PCNX2: variants seen among roughly 807,000 people sequenced by gnomAD.
The protein encoded by PCNX2 is pecanex-like protein 2.
In PCNX2, 168 loss-of-function variants were observed where a neutral mutation model predicts 223.8. That is an observed-to-expected ratio of 0.75 (90% CI 0.66 to 0.85). The LOEUF is 0.85. PCNX2 is among the 40% of genes least tolerant of loss of function. PCNX2 has a pLI of 0.00. For missense variants in PCNX2, 2,507 were observed against 2,675.5 expected, an observed-to-expected ratio of 0.94 and a Z score of 1.39; for synonymous variants, 1,006 against 1,052.6, an observed-to-expected ratio of 0.96 and a Z score of 0.86.
intron 1 of PCNX2, among the ~76,000 whole-genome samples, chr1:233,283,265 T>C (rs1661279621): frequency 6.6e-6 from 1 of 152,208 alleles, no homozygotes; most frequent in Non-Finnish European, 1.5e-5. Flanking sequence ...TAATTGATTA[T>C]TCAATCATTC....
At chr1:233,217,986 T>C (rs1289994046) in intron 11 of PCNX2, 45 bp downstream of exon 11, 1 of 1,613,288 alleles carries the variant, frequency 6.2e-7, no homozygotes, top group Non-Finnish European at 8.5e-7. Context: ...CAAGGCTACA[T>C]TAGTGACAGC....
chr1:233,065,180 A>T (rs1672548984), intron 23 of PCNX2, among the ~76,000 whole-genome samples: 1 of 152,158 alleles, frequency 6.6e-6, no homozygotes, highest in Non-Finnish European at 1.5e-5. Context: ...CTCGGCAACC[A>T]CACTGTGTTC....
At chr1:233,027,322 G>C (rs932806038) in intron 25 of PCNX2, among the ~76,000 whole-genome samples, 3 of 152,136 alleles carry the variant, frequency 2.0e-5, no homozygotes, top group African/African-American at 7.2e-5. Flanking sequence ...GAAATAACGG[G>C]AGGGGAAAAA....
rs1553323130 is a variant in PCNX2 at position 233,250,752 on chromosome 1, G to C, written c.2209C>G (p.Leu737Val). 6.2e-7 allele frequency: 1 copy of C among 1,605,996 alleles called. No individual in the cohort carries two copies. The highest frequency in any genetic ancestry group is 1.7e-5 in the Admixed American group (1 of 59,086). ...AGCTCCACTCACCGAGCCTGAGAGA[G>C]ACAGTCATTATTTGATGGTAGAGGC... ...LQPLPSNNDC[L>V]SQAREMQVSS... The change falls in exon 8 of 34, where the codon CTC (leucine) becomes GTC (valine). Residue 737 changes from leucine to valine, a missense_variant. Physicochemically the swap from Leu to Val is conservative, Grantham distance 32. Around this residue, in one of 3 missense-constraint regions of PCNX2, gnomAD observed 1,031 missense variants for 1,021.7 expected, o/e 1.01. Transcript: ENST00000258229.
chr1:233,187,475 T>A (rs1041881416), intron 15 of PCNX2, among the ~76,000 whole-genome samples: 1 of 152,078 alleles, frequency 6.6e-6, no homozygotes, highest in African/African-American at 2.4e-5. Flanking sequence ...CCTCTCTGTA[T>A]CCCTCACTCC....
intron 26 of PCNX2, chr1:233,018,913 T>C: frequency 1.0e-6 from 1 of 985,388 alleles, no homozygotes; most frequent in Non-Finnish European, 1.2e-6. Context: ...AGAAAACGAA[T>C]ATTGGGTGGA....
chr1:233,215,262 T>G (rs747900279), intron 12 of PCNX2, among the ~76,000 whole-genome samples: 2 of 152,232 alleles, frequency 1.3e-5, no homozygotes, highest in Non-Finnish European at 2.9e-5. Flanking sequence ...AAATATTTTA[T>G]AGCTACCATA....
rs1378043261 is a variant in PCNX2 at position 233,172,057 on chromosome 1, A to G, written c.3273+5745T>C. 2.6e-5 allele frequency among the ~76,000 whole-genome samples: 4 copies of G among 152,218 alleles called. No homozygotes were observed. In the East Asian group the frequency reaches 7.7e-4, roughly 29 times the overall value. On this transcript the variant is annotated intron_variant, in intron 17 of 33. Transcript: ENST00000258229. ...GAAATTCTATTTGGCTCTCTTTCAA[A>G]CATGCTGGATTGTTTTAAATATTTT...
intron 28 of PCNX2, among the ~76,000 whole-genome samples, chr1:233,005,669 CCT>C (rs1240160105): frequency 5.9e-5 from 9 of 152,212 alleles, no homozygotes; most frequent in Non-Finnish European, 1.3e-4. Context: ...CTTTTTTCCC[CCT>C]GAGAGAATGA....
intron 25 of PCNX2, among the ~76,000 whole-genome samples, chr1:233,035,621 A>G (rs10910647): frequency 0.12 from 17,677 of 152,190 alleles, 2,891 homozygotes; most frequent in African/African-American, 0.37. Flanking sequence ...TTAGACATAG[A>G]TAGAGCTTAG....
chr1:233,113,854 C>A (rs1381598057), intron 21 of PCNX2, among the ~76,000 whole-genome samples: 1 of 152,240 alleles, frequency 6.6e-6, no homozygotes, highest in East Asian at 1.9e-4. Flanking sequence ...CCTGTGCAGA[C>A]TCGAATAGCA....
chr1:233,053,082 T>TTAAAG (rs993782098), intron 25 of PCNX2, among the ~76,000 whole-genome samples: 1 of 151,960 alleles, frequency 6.6e-6, no homozygotes, highest in Non-Finnish European at 1.5e-5. Flanking sequence ...GACCAATCTC[T>TTAAAG]TAAAGTGTAG....
intron 19 of PCNX2, 43 bp downstream of exon 19, chr1:233,160,240 C>T: frequency 6.5e-7 from 1 of 1,537,210 alleles, no homozygotes; most frequent in Non-Finnish European, 9.0e-7. Flanking sequence ...TGTATACCTA[C>T]CCCTCCTTTT....
intron 10 of PCNX2, among the ~76,000 whole-genome samples, chr1:233,221,339 T>G: frequency 6.6e-6 from 1 of 151,758 alleles, no homozygotes; most frequent in East Asian, 1.9e-4. Context: ...AACATTTTGA[T>G]GGATACTTAA....
intron 27 of PCNX2, among the ~76,000 whole-genome samples, chr1:233,016,253 T>G (rs1334108819): frequency 6.6e-6 from 1 of 152,196 alleles, no homozygotes; most frequent in African/African-American, 2.4e-5. Context: ...CATCAGCTGC[T>G]GAGGAAGTTG....
At position 233,001,691 on chromosome 1, in the gene PCNX2, A is replaced by G. The variant is rs1334790244; in HGVS notation, c.4953-10T>C. On this transcript the variant is annotated splice_polypyrimidine_tract_variant and intron_variant, in intron 28 of 33. Transcript: ENST00000258229. This position sits in a 1 kb window ranked among gnomAD's most constrained non-coding sequence, Gnocchi z 4.2. ...CAGGAAAGAATCCAGGCTGCAAAAC[A>G]AAGTCCTATTACTATGGAACAAATT... 6.4e-6 allele frequency: 10 copies of G among 1,559,380 alleles called. No individual in the cohort carries two copies. Among genetic ancestry groups the G allele is most frequent in the African/African-American group, 2.7e-5 (2 of 73,944 alleles).
chr1:233,247,877 CA>C (rs57333423), intron 8 of PCNX2, among the ~76,000 whole-genome samples: 19 of 119,634 alleles, frequency 1.6e-4, no homozygotes, highest in Admixed American at 3.5e-4. Context: ...AACTCCGTCT[CA>C]AAAAAAAAAA....
At chr1:233,009,573 C>T (rs1182722080) in intron 28 of PCNX2, among the ~76,000 whole-genome samples, 1 of 152,182 alleles carries the variant, frequency 6.6e-6, no homozygotes, top group Non-Finnish European at 1.5e-5. Context: ...CCACATCAAG[C>T]GGATCAACTA....
chr1:233,289,510 G>A, intron 1 of PCNX2: 1 of 715,520 alleles, frequency 1.4e-6, no homozygotes, highest in South Asian at 1.6e-5. Context: ...TGCCTTTTAA[G>A]CAACTCCATG....
Sources: gnomAD v4.1 joint callset for allele counts (sites outside exome capture counted in the v4.1 genomes callset) on GRCh38, gnomAD v4.1.1 for gene constraint, gnomAD v4.1.1 regional missense constraint, Gnocchi (gnomAD v3.1) non-coding constraint, MANE v1.5 for transcripts, NCBI Gene and HGNC (gene_info 2026-07-23, HGNC 2026-07-21) for gene names.